SAMD8: variants seen among roughly 807,000 people sequenced by gnomAD.
SAMD8 encodes sterile alpha motif domain containing 8.
In SAMD8, 20 loss-of-function variants were observed where a neutral mutation model predicts 42.0. The observed-to-expected ratio is 0.48, with a 90% confidence interval of 0.34 to 0.69. SAMD8 has a LOEUF of 0.69. Ranked by LOEUF, SAMD8 falls within the 30% of genes least tolerant of loss-of-function variation. SAMD8 has a pLI of 0.01. For missense variants in SAMD8, 328 were observed against 511.6 expected (o/e 0.64, Z 3.46); for synonymous variants, 162 against 173.0 (o/e 0.94, Z 0.50).
chr10:75,138,786 C>T lies in SAMD8; in HGVS notation c.-15-11728C>T, dbSNP rs1229636939. 3.3e-5 allele frequency among the ~76,000 whole-genome samples: 5 copies of T among 152,238 alleles called. No individual in the cohort carries two copies. The East Asian group carries it at 9.7e-4, about 29-fold the overall frequency. Reference sequence around the variant, plus strand: ...GTTTTCAAAAATTCTAACCAGAGGTCACCCAAAAGATAAGATATTTCATAT... The same window carrying T: ...GTTTTCAAAAATTCTAACCAGAGGTTACCCAAAAGATAAGATATTTCATAT... On this transcript the variant is annotated intron_variant, in intron 1 of 5. Coordinates refer to ENST00000542569, the MANE Select transcript of SAMD8 (RefSeq NM_001174156.2).
At chr10:75,111,056 T>A (rs950100647), upstream of SAMD8, among the ~76,000 whole-genome samples, 1 of 152,100 alleles carries the variant, frequency 6.6e-6, no homozygotes, top group African/African-American at 2.4e-5. Context: ...CCTCAGGTGA[T>A]CCCGCCTCAG....
chr10:75,135,553 C>T (rs988305939), intron 1 of SAMD8, among the ~76,000 whole-genome samples: 4 of 151,652 alleles, frequency 2.6e-5, no homozygotes, highest in African/African-American at 9.7e-5. Context: ...TGGCTGGCCG[C>T]GGTGGCTCAT....
chr10:75,125,926 G>A (rs1312358834), intron 1 of SAMD8: 1 of 152,122 alleles, frequency 6.6e-6, no homozygotes, highest in African/African-American at 2.4e-5. Context: ...AAGATAAAGT[G>A]GAGATTATAC....
chr10:75,110,412 C>T (rs1327825373), upstream of SAMD8, among the ~76,000 whole-genome samples: 1 of 152,176 alleles, frequency 6.6e-6, no homozygotes, highest in Non-Finnish European at 1.5e-5. Context: ...TTCTCAGTGG[C>T]CCTAATGGAG....
chr10:75,124,985 C>A (rs191957941), intron 1 of SAMD8, among the ~76,000 whole-genome samples: 1 of 151,904 alleles, frequency 6.6e-6, no homozygotes, highest in African/African-American at 2.4e-5. Flanking sequence ...TGGGATTTCA[C>A]GATGTTGCCC....
upstream of SAMD8, chr10:75,111,603 G>T: frequency 8.0e-7 from 1 of 1,250,458 alleles, no homozygotes. Context: ...CCCGCCCCGG[G>T]CTCCGCCCCC....
chr10:75,117,445 T>C (rs1410630565), intron 1 of SAMD8, among the ~76,000 whole-genome samples: 2 of 149,892 alleles, frequency 1.3e-5, no homozygotes, highest in African/African-American at 2.5e-5. Flanking sequence ...GTGGGCGTGA[T>C]GGCTCACACC....
chr10:75,117,837 A>G (rs1239914221), intron 1 of SAMD8, among the ~76,000 whole-genome samples: 1 of 152,266 alleles, frequency 6.6e-6, no homozygotes, highest in Admixed American at 6.5e-5. Flanking sequence ...GTGGCATTGC[A>G]GCCAGGTCAG....
intron 2 of SAMD8, among the ~76,000 whole-genome samples, chr10:75,156,484 A>G (rs1292389321): frequency 6.6e-6 from 1 of 152,144 alleles, no homozygotes; most frequent in East Asian, 1.9e-4. Context: ...CCTATTACTT[A>G]ATTACAGAGG....
intron 1 of SAMD8, among the ~76,000 whole-genome samples, chr10:75,132,807 A>C (rs1209763844): frequency 1.3e-5 from 2 of 150,280 alleles, no homozygotes; most frequent in Admixed American, 1.3e-4. Flanking sequence ...TGGGCATCCT[A>C]GGGAGACCCT....
Position 75,178,547 on chromosome 10 carries a change from A to G in SAMD8, c.*1855A>G, listed in dbSNP as rs979432362. ...ATGTTGGCTTTTGGGAAAGGGTTCA[A>G]AAAACTGTATGGCAACATTAATGCT... On this transcript the variant is annotated 3_prime_UTR_variant, in exon 6 of 6. Transcript: ENST00000542569. 2 of 152,246 alleles carry G rather than the reference A, an allele frequency of 1.3e-5. No homozygotes were observed. Among genetic ancestry groups the G allele is most frequent in the African/African-American group, 4.8e-5 (2 of 41,464 alleles). The allele number at this position is 152,246 out of a possible 1,614,324, so 9.4% of individuals were successfully genotyped here. A position where few individuals can be genotyped will look rare whatever the true frequency, so the allele number is the denominator to read the frequency against.
intron 1 of SAMD8, chr10:75,104,102 A>G: frequency 7.5e-7 from 1 of 1,339,920 alleles, no homozygotes; most frequent in Non-Finnish European, 9.9e-7. Flanking sequence ...CCAGCTCTGG[A>G]AGAGAGATGA....
intron 1 of SAMD8, among the ~76,000 whole-genome samples, chr10:75,114,422 T>TTTTGA (rs890909485): frequency 6.8e-4 from 104 of 152,240 alleles, no homozygotes; most frequent in African/African-American, 2.5e-3. Flanking sequence ...GGTAAATCAG[T>TTTTGA]TTTGATTTCA....
In SAMD8 at chr10:75,170,783, T is replaced by G. The variant is rs960111878; in HGVS notation, c.792+2125T>G. Among the ~76,000 whole-genome samples, 183 of 147,614 alleles carry G rather than the reference T, an allele frequency of 1.2e-3. 1 individual carries two copies. Among genetic ancestry groups the G allele is most frequent in the Non-Finnish European group, 1.5e-3 (102 of 66,676 alleles). The stretch of plus-strand genomic sequence containing the variant: ...AAGTTTTTTTGGGTTTTTTTTTTTT[T>G]TTTTTTTTGAGGTGGAGTCTTTCCC... On this transcript the variant is annotated intron_variant, in intron 4 of 5. Coordinates refer to ENST00000542569, the MANE Select transcript of SAMD8 (RefSeq NM_001174156.2).
chr10:75,111,757 T>TG (rs1232167873), intron 1 of SAMD8, 35 bp downstream of exon 1: 3 of 1,232,584 alleles, frequency 2.4e-6, no homozygotes, highest in Non-Finnish European at 3.0e-6. Flanking sequence ...GAGGGGAGCT[T>TG]GGGGGGCGCC....
intron 1 of SAMD8, among the ~76,000 whole-genome samples, chr10:75,129,136 T>TTC (rs1368903519): frequency 4.0e-4 from 46 of 115,068 alleles, no homozygotes; most frequent in East Asian, 2.5e-3. Flanking sequence ...CTTCTTCTTC[T>TTC]TATTTTTTTT....
intron 4 of SAMD8, among the ~76,000 whole-genome samples, chr10:75,171,352 A>T (rs1367702477): frequency 6.6e-6 from 1 of 150,636 alleles, no homozygotes; most frequent in Non-Finnish European, 1.5e-5. Flanking sequence ...TATTTTTAGT[A>T]GAGACGGGGT....
Position 75,179,470 on chromosome 10 carries a change from G to A in SAMD8, c.*2778G>A, listed in dbSNP as rs1459858262. The A allele has an allele frequency of 1.3e-5, 2 of 152,202 alleles. No individual in the cohort carries two copies. Among genetic ancestry groups the A allele is most frequent in the African/African-American group, 4.8e-5 (2 of 41,438 alleles). The allele number at this position is 152,202 out of a possible 1,614,324, so 9.4% of individuals were successfully genotyped here. On this transcript the variant is annotated 3_prime_UTR_variant, in exon 6 of 6. Transcript: ENST00000542569. ...ATGTAACTAACTTTGCAGAGCTATT[G>A]ACATTGAGAGACCTAACAACAGACT... is the stretch of plus-strand genomic sequence containing the variant.
chr10:75,138,886 C>T (rs1157113119), intron 1 of SAMD8, among the ~76,000 whole-genome samples: 6 of 151,686 alleles, frequency 4.0e-5, no homozygotes, highest in African/African-American at 9.7e-5. Flanking sequence ...TGTTGATAAT[C>T]GGATTCTGCA....
Sources: allele counts gnomAD v4.1 joint callset (sites outside exome capture counted in the v4.1 genomes callset), GRCh38; gene constraint gnomAD v4.1.1; transcripts MANE v1.5; gene names NCBI Gene and HGNC (gene_info 2026-07-23, HGNC 2026-07-21).